SNRK: variants seen among roughly 807,000 people sequenced by gnomAD.
The protein encoded by SNRK is SNF-related serine/threonine-protein kinase.
A neutral mutation model predicts 48.2 loss-of-function variants in SNRK; 3 were observed. The ratio of observed to expected loss-of-function variants is 0.06; its 90% CI spans 0.03 to 0.16. The LOEUF (loss-of-function observed/expected upper bound fraction) is 0.16, where lower values mean the gene tolerates loss of function less well. Among genes scored for constraint, SNRK ranks in the 10% least tolerant of loss-of-function variants. The pLI, the probability that SNRK is intolerant of heterozygous loss-of-function variation, is 1.00. For missense variants in SNRK, 627 were observed against 976.0 expected (o/e 0.64, Z 4.76); for synonymous variants, 376 against 366.1 (o/e 1.03, Z -0.31).
intron 1 of SNRK, among the ~76,000 whole-genome samples, chr3:43,287,247 G>A (rs2090773081): frequency 6.6e-6 from 1 of 152,164 alleles, no homozygotes. Context: ...CATTCCCGAG[G>A]GAGAGCTAGA....
chr3:43,339,468 G>A (rs2125644680), intron 4 of SNRK, among the ~76,000 whole-genome samples: 1 of 152,166 alleles, frequency 6.6e-6, no homozygotes, highest in East Asian at 1.9e-4. Flanking sequence ...TAGTTGCTGA[G>A]TGTTACTTAT....
intron 3 of SNRK, among the ~76,000 whole-genome samples, chr3:43,329,234 C>T (rs145185863): frequency 0.024 from 3,578 of 152,112 alleles, 150 homozygotes; most frequent in African/African-American, 0.081. Context: ...GTCAGGGGAT[C>T]GAGACCATCC....
chr3:43,317,442 C>A (rs1236941186), intron 3 of SNRK, among the ~76,000 whole-genome samples: 1 of 152,178 alleles, frequency 6.6e-6, no homozygotes, highest in African/African-American at 2.4e-5. Context: ...AACCCTTACT[C>A]ATAAGGAAAA....
chr3:43,341,973 T>TA (rs1405561961), intron 5 of SNRK, among the ~76,000 whole-genome samples: 2 of 152,238 alleles, frequency 1.3e-5, no homozygotes, highest in African/African-American at 4.8e-5. Context: ...TTAAATGACC[T>TA]AAACATGTGG....
At chr3:43,327,483 C>G (rs1222684972) in intron 3 of SNRK, among the ~76,000 whole-genome samples, 2 of 152,096 alleles carry the variant, frequency 1.3e-5, no homozygotes, top group Non-Finnish European at 2.9e-5. Flanking sequence ...TTGCTTCTTT[C>G]ATTATTTATG....
In SNRK at chr3:43,348,801, T is replaced by A. The variant is rs910570327; in HGVS notation, c.*244T>A. On this transcript the variant is annotated 3_prime_UTR_variant, in exon 7 of 7. Coordinates refer to ENST00000296088, the MANE Select transcript of SNRK (RefSeq NM_017719.5). ...ACATTCATAATTTTAATGTGGATGA[T>A]CAGGATTAAATCAAGATATATATCT... 2 of 378,498 alleles carry A rather than the reference T, an allele frequency of 5.3e-6. No homozygotes were observed. The highest frequency in any genetic ancestry group is 9.4e-6 in the Non-Finnish European group (2 of 213,362). The allele number at this position is 378,498 out of a possible 1,614,324, so 23.4% of individuals were successfully genotyped here.
chr3:43,317,891 C>G (rs1228563856), intron 3 of SNRK, among the ~76,000 whole-genome samples: 1 of 152,134 alleles, frequency 6.6e-6, no homozygotes, highest in Non-Finnish European at 1.5e-5. Context: ...ATAGTTCCTG[C>G]CTTTAGGATT....
Position 43,303,831 on chromosome 3 carries a change from TGCCAGCTA to T in SNRK, c.589+41_589+48del, listed in dbSNP as rs1441067670. ...GTCCAGTATTTGGCCATTTGAATTC[TGCCAGCTA>T]GAGTTGGTCAGATCGGTTGTTTATC... On this transcript the variant is annotated intron_variant, in intron 3 of 6. Transcript: ENST00000296088. This position sits in a 1 kb window ranked among gnomAD's most constrained non-coding sequence, Gnocchi z 6.2. 2.9e-6 allele frequency: 4 copies of T among 1,391,848 alleles called. No homozygotes were observed. The highest frequency in any genetic ancestry group is 3.7e-5 in the Admixed American group (2 of 54,108). The allele number at this position is 1,391,848 out of a possible 1,614,324, so 86.2% of individuals were successfully genotyped here. A position where few individuals can be genotyped will look rare whatever the true frequency, so the allele number is the denominator to read the frequency against.
chr3:43,313,061 A>G lies in SNRK; in HGVS notation c.589+9269A>G, dbSNP rs79061290. Among the ~76,000 whole-genome samples, 26 of 152,350 alleles carry G rather than the reference A, an allele frequency of 1.7e-4. No individual in the cohort carries two copies. The East Asian group carries it at 2.3e-3, about 14-fold the overall frequency. ...CATAGACAACATTATTCTAAAATGT[A>G]TCTGGAAAGGCAAAGAACCTAGAAT... On this transcript the variant is annotated intron_variant, in intron 3 of 6. Transcript: ENST00000296088.
intron 5 of SNRK, 117 bp downstream of exon 5, chr3:43,340,616 A>G (rs1309082781): frequency 5.6e-6 from 5 of 889,596 alleles, no homozygotes; most frequent in Non-Finnish European, 8.6e-6. Context: ...CCAGTTGGCA[A>G]GAGTTGTGTC....
rs755404685 is a variant in SNRK, at chr3:43,343,454, C to T, written c.1055C>T (p.Pro352Leu). The change falls in exon 6 of 7, where the codon CCG becomes CTG. Residue 352 changes from proline to leucine, a missense_variant. Physicochemically the swap from Pro to Leu is moderately conservative, Grantham distance 98. This residue lies in a region of SNRK where 175 missense variants were observed against 209.7 expected (regional missense o/e 0.83). Transcript: ENST00000296088. ...GAAATACAGACCAGATCTGCAAGCC[C>T]GAGCAATATCAAGGCCCAGTTTAGG... The part of the protein sequence containing the change: ...EKEIQTRSAS[P>L]SNIKAQFRQS... The T allele has an allele frequency of 1.9e-6, 3 of 1,612,908 alleles. No individual in the cohort carries two copies. Among genetic ancestry groups the T allele is most frequent in the Non-Finnish European group, 2.5e-6 (3 of 1,179,866 alleles).
chr3:43,302,267 A>G lies in SNRK; in HGVS notation c.-106-831A>G, dbSNP rs77092777. 3.1e-3 allele frequency among the ~76,000 whole-genome samples: 465 copies of G among 152,360 alleles called. 5 individuals carry two copies. The highest frequency in any genetic ancestry group is 0.011 in the African/African-American group (443 of 41,588). The stretch of plus-strand genomic sequence containing the variant: ...TTATAAGTTTAAAAAGTCAATGTTA[A>G]TATGTTTACTGATATGTTAAGCACC... On this transcript the variant is annotated intron_variant, in intron 2 of 6. Transcript: ENST00000296088.
intron 1 of SNRK, among the ~76,000 whole-genome samples, chr3:43,289,010 G>A (rs1255833691): frequency 6.6e-6 from 1 of 152,104 alleles, no homozygotes; most frequent in Admixed American, 6.6e-5. Context: ...CTCTTTTGGT[G>A]GCCCTAGGGT....
rs752627316 is a variant in SNRK at position 43,340,514 on chromosome 3, G to A, written c.944+15G>A. 13 of 1,608,756 alleles carry A rather than the reference G, an allele frequency of 8.1e-6. No individual in the cohort carries two copies. Among genetic ancestry groups the A allele is most frequent in the Admixed American group, 1.7e-5 (1 of 59,976 alleles). On this transcript the variant is annotated intron_variant, in intron 5 of 6. Transcript: ENST00000296088. ...GCCATTGTAGAGTACGTCAATGCCC[G>A]TCAGTACAGAGGGCCACAGGTTTAG...
rs764742383 is a variant in SNRK at position 43,348,620 on chromosome 3, A to G, written c.*63A>G. On this transcript the variant is annotated 3_prime_UTR_variant, in exon 7 of 7. Transcript: ENST00000296088. ...AGAGCAGTGAAGACCGGCTCACTTCACTGTTCCATTTGGTTTTACTATTTT... is the reference window on the plus strand; with the variant it reads ...AGAGCAGTGAAGACCGGCTCACTTCGCTGTTCCATTTGGTTTTACTATTTT... 586 of 1,430,768 alleles carry G rather than the reference A, an allele frequency of 4.1e-4. 1 individual carries two copies. The highest frequency in any genetic ancestry group is 5.3e-4 in the Non-Finnish European group (577 of 1,095,034). The allele number at this position is 1,430,768 out of a possible 1,614,324, so 88.6% of individuals were successfully genotyped here. A position where few individuals can be genotyped will look rare whatever the true frequency, so the allele number is the denominator to read the frequency against.
At chr3:43,317,615 C>T (rs2091023220) in intron 3 of SNRK, among the ~76,000 whole-genome samples, 2 of 152,242 alleles carry the variant, frequency 1.3e-5, no homozygotes, top group Non-Finnish European at 2.9e-5. Flanking sequence ...AGACTTTCCT[C>T]TCACTACCTT....
At chr3:43,331,550 T>A (rs1035356398) in intron 3 of SNRK, among the ~76,000 whole-genome samples, 1 of 152,202 alleles carries the variant, frequency 6.6e-6, no homozygotes, top group African/African-American at 2.4e-5. Context: ...TTGTAACGGC[T>A]CCATTGAGTA....
intron 3 of SNRK, among the ~76,000 whole-genome samples, chr3:43,321,754 T>C (rs1343973298): frequency 6.6e-6 from 1 of 152,154 alleles, no homozygotes; most frequent in African/African-American, 2.4e-5. Flanking sequence ...TAACAGTGCT[T>C]ATGGGCACCT....
Position 43,347,932 on chromosome 3 carries a change from G to T in SNRK, c.1673G>T (p.Ser558Ile), listed in dbSNP as rs770048995. The change falls in exon 7 of 7, where the codon AGC becomes ATC. Residue 558 changes from serine to isoleucine, a missense_variant. By Grantham distance (142) the Ser-to-Ile change is moderately radical (BLOSUM62 -2). Transcript: ENST00000296088. The surrounding 1 kb of genome is among the most constrained non-coding windows in gnomAD (Gnocchi z 5.4). ...SESRRRLDKD[S>I]GFTYSWHRRD... is the part of the protein sequence containing the mutation. ...AGCCGGCGGCGGCTCGATAAAGATAGCGGGTTCACCTACTCCTGGCACCGA... is the reference window on the plus strand; with the variant it reads ...AGCCGGCGGCGGCTCGATAAAGATATCGGGTTCACCTACTCCTGGCACCGA... The T allele has an allele frequency of 6.2e-7, 1 of 1,614,146 alleles. No individual in the cohort carries two copies. The highest frequency in any genetic ancestry group is 1.3e-5 in the African/African-American group (1 of 75,054).
Sources: gnomAD v4.1 joint callset for allele counts (sites outside exome capture counted in the v4.1 genomes callset) on GRCh38, gnomAD v4.1.1 for gene constraint, gnomAD v4.1.1 regional missense constraint, Gnocchi (gnomAD v3.1) non-coding constraint, MANE v1.5 for transcripts, NCBI Gene and HGNC (gene_info 2026-07-23, HGNC 2026-07-21) for gene names.